TNS3: variants seen among roughly 807,000 people sequenced by gnomAD.
TNS3 encodes tensin 3.
A neutral mutation model predicts 140.9 loss-of-function variants in TNS3; 45 were observed. The ratio of observed to expected loss-of-function variants is 0.32; its 90% CI spans 0.25 to 0.41. The LOEUF (loss-of-function observed/expected upper bound fraction) is 0.41. TNS3 is among the 10% of genes least tolerant of loss of function. The pLI is 1.00. For synonymous variants in TNS3, 815 were observed against 788.4 expected (o/e 1.03, Z -0.56); for missense variants, 1,716 against 1,906.7 (o/e 0.90, Z 1.86).
chr7:47,280,234 A>G (rs1562752589), intron 29 of TNS3, 44 bp from the exon 30 acceptor site: 4 of 1,614,092 alleles, frequency 2.5e-6, no homozygotes, highest in Non-Finnish European at 3.4e-6. Context: ...TTTTTAAACT[A>G]AAGGATAGAA....
intron 2 of TNS3, among the ~76,000 whole-genome samples, chr7:47,525,906 C>T (rs334523): frequency 0.59 from 89,419 of 152,094 alleles, 26,857 homozygotes; most frequent in East Asian, 0.76. Flanking sequence ...TCATTTGGAA[C>T]CAGAGGATCA....
chr7:47,559,580 G>T (rs1001257600), intron 1 of TNS3, among the ~76,000 whole-genome samples: 1 of 152,066 alleles, frequency 6.6e-6, no homozygotes, highest in African/African-American at 2.4e-5. Context: ...CAAGAGGCAG[G>T]GATGGGGGCT....
At chr7:47,543,667 T>TCA (rs34408066) in intron 1 of TNS3, among the ~76,000 whole-genome samples, 150,639 of 152,300 alleles carry the variant, frequency 0.99, 74,512 homozygotes, top group East Asian at 1. Context: ...CTCATGAAAA[T>TCA]CACAGACACT....
At chr7:47,562,273 AT>A (rs1227651345) in intron 1 of TNS3, among the ~76,000 whole-genome samples, 1 of 152,192 alleles carries the variant, frequency 6.6e-6, no homozygotes, top group Non-Finnish European at 1.5e-5. Context: ...TGCAAAAAAA[AT>A]CTTTATCATT....
rs1308885127 is a variant in TNS3, at chr7:47,415,131, G to A, written c.549C>T (p.Val183=). 2 of 1,612,206 alleles carry A rather than the reference G, an allele frequency of 1.2e-6. No homozygotes were observed. The highest frequency in any genetic ancestry group is 8.5e-7 in the Non-Finnish European group (1 of 1,179,292). ...MNASPLFLHF[V]ILHGTPNFDT... is the part of the protein sequence containing the mutation. ...CGAAGTTGGGGGTGCCGTGGAGGAT[G>A]ACAAAATGCAGGAACAGGGGAGAGG... Residue 183 remains valine (V), a synonymous_variant, in exon 11 of 31, where the codon GTC becomes GTT. Transcript: ENST00000311160.
At chr7:47,491,098 C>A (rs375448454) in intron 3 of TNS3, among the ~76,000 whole-genome samples, 3 of 152,150 alleles carry the variant, frequency 2.0e-5, no homozygotes, top group Non-Finnish European at 4.4e-5. Flanking sequence ...CAGCACGAGG[C>A]GGGCAGACAT....
chr7:47,407,071 T>C lies in TNS3; in HGVS notation c.723+4656A>G, dbSNP rs997462546. On this transcript the variant is annotated intron_variant, in intron 13 of 30. Coordinates refer to ENST00000311160, the MANE Select transcript of TNS3 (RefSeq NM_022748.12). This position sits in a 1 kb window ranked among gnomAD's most constrained non-coding sequence, Gnocchi z 4.1. The stretch of plus-strand genomic sequence containing the variant: ...CTCCTCTCTAGGGATGCTTTGCCAA[T>C]AATGAGAAACGTGCAACCGCATTTT... Among the ~76,000 whole-genome samples the C allele has an allele frequency of 7.9e-5, 12 of 152,154 alleles. No individual in the cohort carries two copies. Among genetic ancestry groups the C allele is most frequent in the Non-Finnish European group, 1.0e-4 (7 of 68,022 alleles).
chr7:47,280,612 C>T (rs966284040), intron 28 of TNS3, among the ~76,000 whole-genome samples: 2 of 152,138 alleles, frequency 1.3e-5, no homozygotes, highest in South Asian at 2.1e-4. Flanking sequence ...AGGCGGGAAT[C>T]GGGTCAAGAA....
At position 47,383,156 on chromosome 7, in the gene TNS3, C is replaced by T. The variant is rs148107523; in HGVS notation, c.1025-13535G>A. On this transcript the variant is annotated intron_variant, in intron 16 of 30. Coordinates refer to ENST00000311160, the MANE Select transcript of TNS3 (RefSeq NM_022748.12). ...TATTCATACTAGACAAAAAGTGTTA[C>T]GAGCCCAAATGCACACCAGCTAACA... Among the ~76,000 whole-genome samples, 897 of 152,288 alleles carry T rather than the reference C, an allele frequency of 5.9e-3. 9 individuals are homozygous for T. The highest frequency in any genetic ancestry group is 0.02 in the African/African-American group (835 of 41,556).
rs113624645 is a variant in TNS3 at position 47,510,063 on chromosome 7, A to G, written c.-152-3119T>C. Among the ~76,000 whole-genome samples the G allele has an allele frequency of 1.2e-4, 19 of 152,326 alleles. 2 individuals are homozygous for G. Among genetic ancestry groups the G allele is most frequent in the African/African-American group, 4.3e-4 (18 of 41,566 alleles). On this transcript the variant is annotated intron_variant, in intron 2 of 30. Transcript: ENST00000311160. ...ACCACACCCTGGAAAGAAGCTACCT[A>G]TCTTCGCCTGTTTTACTAATGTGAG...
At chr7:47,379,888 A>C (rs766667469) in intron 16 of TNS3, among the ~76,000 whole-genome samples, 61 of 152,250 alleles carry the variant, frequency 4.0e-4, no homozygotes, top group Non-Finnish European at 6.8e-4. Flanking sequence ...CTGCTTGCTC[A>C]CGCTTTCTAA....
chr7:47,474,326 ACACAACACACACAAAACACCT>A (rs921921717), intron 4 of TNS3, among the ~76,000 whole-genome samples: 2 of 151,170 alleles, frequency 1.3e-5, no homozygotes, highest in African/African-American at 2.4e-5. Flanking sequence ...CACATAACCC[ACACAACACACACAAAACACCT>A]CACAACACAC....
chr7:47,338,754 T>C (rs1363294642), intron 20 of TNS3, among the ~76,000 whole-genome samples: 1 of 152,200 alleles, frequency 6.6e-6, no homozygotes, highest in East Asian at 1.9e-4. Context: ...GATGGGCACC[T>C]AGGTTGAGTC....
At chr7:47,309,783 C>T (rs952120145) in intron 20 of TNS3, among the ~76,000 whole-genome samples, 6 of 152,236 alleles carry the variant, frequency 3.9e-5, no homozygotes, top group Non-Finnish European at 7.3e-5. Flanking sequence ...AAGATGGCCA[C>T]ATCAGCTGCA....
chr7:47,453,208 C>A (rs1796100723), intron 4 of TNS3: 1 of 985,466 alleles, frequency 1.0e-6, no homozygotes, highest in Admixed American at 6.1e-5. Flanking sequence ...AGGACAATGT[C>A]CGCCCGGGGC....
At chr7:47,557,242 T>A (rs1052816179) in intron 1 of TNS3, 1 of 418,372 alleles carries the variant, frequency 2.4e-6, no homozygotes, top group African/African-American at 2.0e-5. Flanking sequence ...GGCTGACTTT[T>A]CGTCTTTCCT....
intron 8 of TNS3, among the ~76,000 whole-genome samples, chr7:47,434,445 T>G (rs1266699677): frequency 6.6e-6 from 1 of 152,112 alleles, no homozygotes; most frequent in Non-Finnish European, 1.5e-5. Context: ...ACTGGCTACA[T>G]CCTTTCCCAA....
intron 11 of TNS3, among the ~76,000 whole-genome samples, chr7:47,414,740 T>C (rs1012303213): frequency 6.6e-6 from 1 of 152,182 alleles, no homozygotes; most frequent in African/African-American, 2.4e-5. Flanking sequence ...TTCATGCCTC[T>C]TACTGGGCTT....
chr7:47,448,854 T>C (rs566744783), intron 4 of TNS3, among the ~76,000 whole-genome samples: 100 of 152,224 alleles, frequency 6.6e-4, no homozygotes, highest in Non-Finnish European at 1.1e-3. Context: ...CCTCACAGTA[T>C]AGTAATGAAA....
Sources: allele counts gnomAD v4.1 joint callset (sites outside exome capture counted in the v4.1 genomes callset), GRCh38; gene constraint gnomAD v4.1.1; non-coding constraint Gnocchi (gnomAD v3.1); transcripts MANE v1.5; gene names NCBI Gene and HGNC (gene_info 2026-07-23, HGNC 2026-07-21).